Variants in STPG2 observed in about 807,000 individuals in gnomAD.
The protein encoded by STPG2 is sperm tail PG-rich repeat containing 2.
A neutral mutation model predicts 54.2 loss-of-function variants in STPG2; 56 were observed. That is an observed-to-expected ratio of 1.03 (90% CI 0.83 to 1.29). STPG2 has a LOEUF of 1.29. Among genes scored for constraint, STPG2 ranks in the 50% most tolerant of loss-of-function variants. The pLI is 0.00. For missense variants in STPG2, 596 were observed against 544.9 expected, an observed-to-expected ratio of 1.09 and a Z score of -0.93; for synonymous variants, 200 against 181.8, an observed-to-expected ratio of 1.10 and a Z score of -0.81.
chr4:97,871,572 T>C (rs1359946783), intron 8 of STPG2, among the ~76,000 whole-genome samples: 3 of 151,196 alleles, frequency 2.0e-5, no homozygotes, highest in African/African-American at 7.3e-5. Flanking sequence ...ATAATTTCTT[T>C]AGAAAATACA....
At chr4:97,643,843 T>G (rs1721832678) in intron 10 of STPG2, among the ~76,000 whole-genome samples, 1 of 151,832 alleles carries the variant, frequency 6.6e-6, no homozygotes, top group African/African-American at 2.4e-5. Context: ...AAAATTCACC[T>G]TATTTTTGGG....
intron 4 of STPG2, among the ~76,000 whole-genome samples, chr4:97,483,998 T>C (rs1211639225): frequency 6.6e-6 from 1 of 151,466 alleles, no homozygotes; most frequent in Non-Finnish European, 1.5e-5. Flanking sequence ...CTAAATCAAG[T>C]TGGAAATTAA....
chr4:97,907,389 T>C (rs1731476176), intron 8 of STPG2, among the ~76,000 whole-genome samples: 1 of 152,152 alleles, frequency 6.6e-6, no homozygotes, highest in African/African-American at 2.4e-5. Context: ...AATGGAAGAA[T>C]AATCCATGTT....
At position 97,953,176 on chromosome 4, in the gene STPG2, C is replaced by T. The variant is rs367590699; in HGVS notation, c.934-9169G>A. Among the ~76,000 whole-genome samples the T allele has an allele frequency of 6.1e-4, 93 of 152,270 alleles. 1 individual carries two copies. The South Asian group carries it at 0.018, about 29-fold the overall frequency. ...GCAGGGCAGCAGTGGCCCCAGTGAG[C>T]ATCAGAGGAATTCGTTGGCCACTAG... On this transcript the variant is annotated intron_variant, in intron 7 of 10. Transcript: ENST00000295268.
At chr4:97,782,384 C>A (rs1385186350) in intron 9 of STPG2, among the ~76,000 whole-genome samples, 3 of 152,056 alleles carry the variant, frequency 2.0e-5, no homozygotes, top group East Asian at 3.9e-4. Context: ...ATGTGAAGAA[C>A]CTCTTCAAGG....
chr4:97,710,989 A>C (rs986021996), intron 10 of STPG2, among the ~76,000 whole-genome samples: 1 of 151,728 alleles, frequency 6.6e-6, no homozygotes, highest in Admixed American at 6.6e-5. Context: ...ATAATTTTGC[A>C]TAATAAACAT....
intron 9 of STPG2, among the ~76,000 whole-genome samples, chr4:97,806,240 G>A (rs1015107298): frequency 6.6e-6 from 1 of 152,090 alleles, no homozygotes; most frequent in African/African-American, 2.4e-5. Context: ...GCTGGAGGCT[G>A]TTATCCAAAG....
At chr4:97,909,741 G>A (rs2149198358) in intron 8 of STPG2, among the ~76,000 whole-genome samples, 1 of 152,102 alleles carries the variant, frequency 6.6e-6, no homozygotes, top group Non-Finnish European at 1.5e-5. Context: ...ATAAAATTTA[G>A]AATATATTCC....
At chr4:97,983,446 AT>A (rs1418461595) in intron 5 of STPG2, among the ~76,000 whole-genome samples, 2 of 152,176 alleles carry the variant, frequency 1.3e-5, no homozygotes, top group African/African-American at 2.4e-5. Flanking sequence ...TAATCTCTAC[AT>A]TGTTCAGAGG....
At chr4:97,649,378 G>C (rs1722001281) in intron 10 of STPG2, among the ~76,000 whole-genome samples, 1 of 152,020 alleles carries the variant, frequency 6.6e-6, no homozygotes, top group African/African-American at 2.4e-5. Context: ...TTTCTCTTTA[G>C]TTCTTGTTTT....
intron 8 of STPG2, among the ~76,000 whole-genome samples, chr4:97,859,019 G>A (rs1466695098): frequency 6.6e-6 from 1 of 152,180 alleles, no homozygotes; most frequent in Admixed American, 6.5e-5. Flanking sequence ...CAACAGCAGT[G>A]TAAAAGTGTT....
At chr4:97,548,179 T>C (rs1001642363) in intron 4 of STPG2, among the ~76,000 whole-genome samples, 2 of 134,440 alleles carry the variant, frequency 1.5e-5, no homozygotes, top group African/African-American at 5.3e-5. Flanking sequence ...ACAAAATACA[T>C]GAGTAGTCTG....
intron 8 of STPG2, among the ~76,000 whole-genome samples, chr4:97,938,781 C>T (rs548683729): frequency 7.2e-5 from 11 of 152,102 alleles, no homozygotes; most frequent in Non-Finnish European, 1.2e-4. Flanking sequence ...ATTGGTCATG[C>T]GAACCACCTG....
At chr4:97,592,483 T>C (rs188355106) in intron 10 of STPG2, among the ~76,000 whole-genome samples, 4 of 152,302 alleles carry the variant, frequency 2.6e-5, no homozygotes. Flanking sequence ...ATCTCTTTTT[T>C]ATATTAAAAC....
rs754300557 is a variant in STPG2 at position 97,981,216 on chromosome 4, GA to G, written c.714del (p.Pro239HisfsTer27). 47 of 1,613,876 alleles carry G rather than the reference GA, an allele frequency of 2.9e-5. No individual in the cohort carries two copies. Among genetic ancestry groups the G allele is most frequent in the Non-Finnish European group, 3.6e-5 (42 of 1,179,962 alleles). On this transcript the variant is annotated frameshift_variant, in exon 6 of 11. Transcript: ENST00000295268. LOFTEE classifies it high-confidence loss of function. ...AATCGAACAGCACTTTGACCAAATG[GA>G]ATATTTTTCAGTCCTGATGTTTTCT... Reference protein sequence around the residue: ...SLKKTSGLKNIPFGQSAVRFT... With the variant: ...SLKKTSGLKNXPFGQSAVRFT...
chr4:98,033,578 AG>A (rs2149301778), intron 5 of STPG2, among the ~76,000 whole-genome samples: 1 of 152,324 alleles, frequency 6.6e-6, no homozygotes, highest in African/African-American at 2.4e-5. Flanking sequence ...ATAGAAAAAG[AG>A]GGAATCCTTC....
chr4:97,784,005 C>G (rs1393124716), intron 9 of STPG2, among the ~76,000 whole-genome samples: 1 of 149,694 alleles, frequency 6.7e-6, no homozygotes, highest in East Asian at 2.0e-4. Context: ...CAACATGGCA[C>G]ATGTATACAT....
At chr4:97,463,134 C>G (rs988527950) in intron 4 of STPG2, among the ~76,000 whole-genome samples, 15 of 151,990 alleles carry the variant, frequency 9.9e-5, no homozygotes, top group Non-Finnish European at 1.6e-4. Flanking sequence ...TTTTGTTACC[C>G]TTGCTCTTCT....
chr4:97,899,349 C>G (rs915351314), intron 8 of STPG2, among the ~76,000 whole-genome samples: 1 of 151,906 alleles, frequency 6.6e-6, no homozygotes, highest in South Asian at 2.1e-4. Context: ...AAAAGCATCC[C>G]ATGCTCATGG....
Sources: allele counts gnomAD v4.1 joint callset (sites outside exome capture counted in the v4.1 genomes callset), GRCh38; gene constraint gnomAD v4.1.1; transcripts MANE v1.5; gene names NCBI Gene and HGNC (gene_info 2026-07-23, HGNC 2026-07-21).